Variants in JAM2 observed in about 807,000 individuals in gnomAD.
JAM2 encodes the protein junctional adhesion molecule 2.
In JAM2, 17 loss-of-function variants were observed where a neutral mutation model predicts 42.0. That is an observed-to-expected ratio of 0.40 (90% CI 0.28 to 0.61). The LOEUF (loss-of-function observed/expected upper bound fraction) is 0.61. Among genes scored for constraint, JAM2 ranks in the 20% least tolerant of loss-of-function variants. The probability of loss-of-function intolerance (pLI) is 0.37; values close to 1 mark genes in which losing one functional copy is unlikely to be tolerated. For missense variants in JAM2, 319 were observed against 358.3 expected (o/e 0.89, Z 0.89); for synonymous variants, 118 against 128.6 (o/e 0.92, Z 0.56).
chr21:25,658,750 G>A (rs991191923), intron 1 of JAM2, among the ~76,000 whole-genome samples: 1 of 152,150 alleles, frequency 6.6e-6, no homozygotes, highest in Admixed American at 6.5e-5. Flanking sequence ...CTTTACAATT[G>A]ACAAAACACT....
intron 1 of JAM2, among the ~76,000 whole-genome samples, chr21:25,672,235 C>A (rs1188622866): frequency 6.6e-6 from 1 of 152,056 alleles, no homozygotes; most frequent in Non-Finnish European, 1.5e-5. Flanking sequence ...CAGGTGCATG[C>A]CACCACATCC....
chr21:25,704,709 T>C (rs1244113155), intron 6 of JAM2, among the ~76,000 whole-genome samples: 1 of 152,108 alleles, frequency 6.6e-6, no homozygotes, highest in Non-Finnish European at 1.5e-5. Flanking sequence ...ATGGACAAGA[T>C]GGAGAAATAT....
intron 1 of JAM2, among the ~76,000 whole-genome samples, chr21:25,677,305 A>G (rs543114087): frequency 1.8e-4 from 27 of 152,286 alleles, no homozygotes; most frequent in Admixed American, 1.5e-3. Context: ...AATTTTGCCA[A>G]TTCAACTAAT....
intron 4 of JAM2, among the ~76,000 whole-genome samples, chr21:25,695,553 C>A (rs1309254641): frequency 1.4e-5 from 2 of 146,586 alleles, no homozygotes; most frequent in African/African-American, 5.2e-5. Context: ...ACAGGGCGGC[C>A]GGGCAGAGGG....
At chr21:25,670,252 G>A (rs1341641538) in intron 1 of JAM2, among the ~76,000 whole-genome samples, 1 of 152,124 alleles carries the variant, frequency 6.6e-6, no homozygotes, top group Non-Finnish European at 1.5e-5. Flanking sequence ...GGGAGGCCGA[G>A]GTAGGTAGGT....
intron 5 of JAM2, among the ~76,000 whole-genome samples, chr21:25,700,034 T>C (rs1175155368): frequency 6.6e-6 from 1 of 152,200 alleles, no homozygotes; most frequent in Non-Finnish European, 1.5e-5. Context: ...TATCTATTAC[T>C]TTAGAGTCCA....
At chr21:25,694,019 AACC>A (rs2033941838) in intron 4 of JAM2, 111 bp downstream of exon 4, 1 of 1,027,826 alleles carries the variant, frequency 9.7e-7, no homozygotes, top group Non-Finnish European at 1.4e-6. Flanking sequence ...TGGGAGCCTC[AACC>A]AGTCAAGTTA....
At position 25,646,063 on chromosome 21, in the gene JAM2, C is replaced by T. The variant is rs530693750; in HGVS notation, c.67+6175C>T. On this transcript the variant is annotated intron_variant, in intron 1 of 9. Transcript: ENST00000480456. Reference sequence around the variant, plus strand: ...TACTGTAGACTTTATCAACACTGTACACTTAGGCTACACTAAATTTATAAA... The same window carrying T: ...TACTGTAGACTTTATCAACACTGTATACTTAGGCTACACTAAATTTATAAA... Among the ~76,000 whole-genome samples, 27 of 152,260 alleles carry T rather than the reference C, an allele frequency of 1.8e-4. No homozygotes were observed. In the South Asian group the frequency reaches 5.4e-3, roughly 30 times the overall value.
intron 2 of JAM2, among the ~76,000 whole-genome samples, chr21:25,684,300 T>A (rs1425076025): frequency 1.3e-5 from 2 of 152,220 alleles, no homozygotes; most frequent in African/African-American, 4.8e-5. Flanking sequence ...ACTCTGTGTA[T>A]TTAAGGTGAT....
Position 25,706,092 on chromosome 21 carries a change from T to C in JAM2, c.805+6T>C, listed in dbSNP as rs577016676. The C allele has an allele frequency of 9.7e-6, 15 of 1,547,326 alleles. No individual in the cohort carries two copies. The East Asian group carries it at 2.2e-4, about 23-fold the overall frequency. On this transcript the variant is annotated splice_donor_region_variant and intron_variant, in intron 7 of 9. Coordinates refer to ENST00000480456, the MANE Select transcript of JAM2 (RefSeq NM_021219.4). ...GAGGAAAGGCTACTTTTCAAGTAAGTGAATTTCACCCTTCTTTGGCAGATA... is the reference window on the plus strand; with the variant it reads ...GAGGAAAGGCTACTTTTCAAGTAAGCGAATTTCACCCTTCTTTGGCAGATA...
intron 6 of JAM2, among the ~76,000 whole-genome samples, chr21:25,704,559 T>C (rs1481673075): frequency 3.3e-5 from 5 of 152,202 alleles, no homozygotes; most frequent in Middle Eastern, 3.2e-3. Context: ...GAAAATGCTA[T>C]GTAATATTTT....
chr21:25,696,368 G>C (rs1269474403), intron 4 of JAM2, among the ~76,000 whole-genome samples: 2 of 152,184 alleles, frequency 1.3e-5, no homozygotes, highest in African/African-American at 4.8e-5. Flanking sequence ...GGCATCAGAG[G>C]GAGACCGTGG....
intron 4 of JAM2, among the ~76,000 whole-genome samples, chr21:25,695,609 C>G (rs1440932174): frequency 2.0e-5 from 3 of 147,072 alleles, no homozygotes; most frequent in African/African-American, 7.6e-5. Flanking sequence ...GAGGCGCCCC[C>G]CCACCTCCCT....
chr21:25,704,212 A>AT (rs1224749927), intron 6 of JAM2, among the ~76,000 whole-genome samples: 1 of 152,220 alleles, frequency 6.6e-6, no homozygotes, highest in East Asian at 1.9e-4. Flanking sequence ...ATTACTGTAG[A>AT]TTTTTTTCTC....
At chr21:25,656,315 C>T (rs1356984173) in intron 1 of JAM2, among the ~76,000 whole-genome samples, 1 of 152,202 alleles carries the variant, frequency 6.6e-6, no homozygotes, top group Non-Finnish European at 1.5e-5. Flanking sequence ...AGAATACCTG[C>T]AGATATCTTA....
At chr21:25,650,412 A>G (rs540277484) in intron 1 of JAM2, among the ~76,000 whole-genome samples, 7 of 152,334 alleles carry the variant, frequency 4.6e-5, no homozygotes, top group African/African-American at 1.7e-4. Context: ...CAAGAATCTC[A>G]TTCAGCATTA....
intron 1 of JAM2, among the ~76,000 whole-genome samples, chr21:25,663,785 A>C (rs968116554): frequency 3.9e-5 from 6 of 152,136 alleles, no homozygotes; most frequent in African/African-American, 1.2e-4. Context: ...GTAAGAAATA[A>C]ATTCCTTTTC....
At chr21:25,649,377 G>A (rs115485295) in intron 1 of JAM2, among the ~76,000 whole-genome samples, 2,686 of 152,216 alleles carry the variant, frequency 0.018, 90 homozygotes, top group African/African-American at 0.061. Flanking sequence ...CTTGATGGCC[G>A]GAAGCAGAAG....
intron 1 of JAM2, among the ~76,000 whole-genome samples, chr21:25,677,567 A>G (rs1438697590): frequency 6.6e-6 from 1 of 152,212 alleles, no homozygotes; most frequent in Admixed American, 6.5e-5. Context: ...AAATCTTATA[A>G]TCTCAGAGTG....
Sources: gnomAD v4.1 joint callset for allele counts (sites outside exome capture counted in the v4.1 genomes callset) on GRCh38, gnomAD v4.1.1 for gene constraint, MANE v1.5 for transcripts, NCBI Gene and HGNC (gene_info 2026-07-23, HGNC 2026-07-21) for gene names.